PDGFC: variants seen among roughly 807,000 people sequenced by gnomAD.
PDGFC encodes platelet derived growth factor C, also known as platelet-derived growth factor C.
Under a neutral mutation model 35.5 loss-of-function variants are expected in PDGFC, and 12 were observed. The ratio of observed to expected loss-of-function variants is 0.34; its 90% CI spans 0.22 to 0.55. The LOEUF is 0.55. Ranked by LOEUF, PDGFC falls within the 20% of genes least tolerant of loss-of-function variation. The probability of loss-of-function intolerance (pLI) is 0.91; values close to 1 mark genes in which losing one functional copy is unlikely to be tolerated. For missense variants in PDGFC, 322 were observed against 412.4 expected, an observed-to-expected ratio of 0.78 and a Z score of 1.90; for synonymous variants, 159 against 148.8, an observed-to-expected ratio of 1.07 and a Z score of -0.50.
In PDGFC at chr4:156,971,177, G is replaced by T. The variant is rs1400447201; in HGVS notation, c.-274C>A. On this transcript the variant is annotated 5_prime_UTR_variant, in exon 1 of 6. Transcript: ENST00000502773. Reference sequence around the variant, plus strand: ...TAAACAAATCCTGAGCTGTGGCGAAGTGGTGGGGGTGGGGGTGAAGGCGAG... The same window carrying T: ...TAAACAAATCCTGAGCTGTGGCGAATTGGTGGGGGTGGGGGTGAAGGCGAG... The T allele has an allele frequency of 4.7e-6, 2 of 423,630 alleles. No individual in the cohort carries two copies. The highest frequency in any genetic ancestry group is 8.3e-6 in the Non-Finnish European group (2 of 240,174). The allele number at this position is 423,630 out of a possible 1,614,324, so 26.2% of individuals were successfully genotyped here. A position where few individuals can be genotyped will look rare whatever the true frequency, so the allele number is the denominator to read the frequency against.
intron 3 of PDGFC, among the ~76,000 whole-genome samples, chr4:156,787,412 T>C (rs531675233): frequency 6.6e-6 from 1 of 152,142 alleles, no homozygotes; most frequent in Non-Finnish European, 1.5e-5. Context: ...GAGTACCAAG[T>C]GCGATTCTGA....
intron 1 of PDGFC, among the ~76,000 whole-genome samples, chr4:156,936,072 T>C (rs1731673342): frequency 6.6e-6 from 1 of 152,336 alleles, no homozygotes; most frequent in South Asian, 2.1e-4. Flanking sequence ...AATATTAAAA[T>C]ATAAATAAGC....
At chr4:156,905,574 T>C (rs1730897018) in intron 1 of PDGFC, among the ~76,000 whole-genome samples, 1 of 152,114 alleles carries the variant, frequency 6.6e-6, no homozygotes, top group Non-Finnish European at 1.5e-5. Context: ...CTTCACATTC[T>C]GTCTAAAATA....
At chr4:156,873,567 C>T (rs1400971540) in intron 1 of PDGFC, among the ~76,000 whole-genome samples, 1 of 152,148 alleles carries the variant, frequency 6.6e-6, no homozygotes, top group Non-Finnish European at 1.5e-5. Flanking sequence ...TTTTTGAAAT[C>T]TATTCATTTA....
intron 1 of PDGFC, among the ~76,000 whole-genome samples, chr4:156,957,705 G>A (rs562552747): frequency 1.6e-4 from 24 of 151,964 alleles, no homozygotes; most frequent in African/African-American, 3.9e-4. Flanking sequence ...GGGATGGGCG[G>A]GTGGATAAAG....
intron 1 of PDGFC, among the ~76,000 whole-genome samples, chr4:156,855,813 C>T (rs147564974): frequency 6.6e-6 from 1 of 152,250 alleles, no homozygotes; most frequent in Admixed American, 6.5e-5. Flanking sequence ...ACAAAATTCA[C>T]TTTTAACAAC....
At chr4:156,803,590 G>A (rs984602357) in intron 3 of PDGFC, among the ~76,000 whole-genome samples, 3 of 152,146 alleles carry the variant, frequency 2.0e-5, no homozygotes, top group African/African-American at 7.2e-5. Context: ...ATTCAAAAGA[G>A]TTATTTCAAA....
chr4:156,805,291 T>C (rs750950275), intron 3 of PDGFC, among the ~76,000 whole-genome samples: 2 of 152,046 alleles, frequency 1.3e-5, no homozygotes, highest in African/African-American at 2.4e-5. Flanking sequence ...ATTCAACAAG[T>C]GCTTCAGACT....
chr4:156,900,618 A>C (rs1346017707), intron 1 of PDGFC, among the ~76,000 whole-genome samples: 3 of 152,140 alleles, frequency 2.0e-5, no homozygotes, highest in Non-Finnish European at 4.4e-5. Flanking sequence ...AGATGGGTGG[A>C]TTGCTTGAGC....
chr4:156,941,273 A>T (rs1045189834), intron 1 of PDGFC, among the ~76,000 whole-genome samples: 6 of 152,204 alleles, frequency 3.9e-5, no homozygotes, highest in Non-Finnish European at 7.3e-5. Context: ...TACAGTTTAA[A>T]AGTAATGCTA....
At chr4:156,775,239 G>C (rs1431047012) in intron 3 of PDGFC, among the ~76,000 whole-genome samples, 1 of 151,980 alleles carries the variant, frequency 6.6e-6, no homozygotes, top group Admixed American at 6.6e-5. Context: ...TAAATTTATG[G>C]TGTAAAAAGT....
At chr4:156,799,695 T>C (rs1023803104) in intron 3 of PDGFC, among the ~76,000 whole-genome samples, 1 of 152,222 alleles carries the variant, frequency 6.6e-6, no homozygotes, top group African/African-American at 2.4e-5. Context: ...AGATACATCA[T>C]GGAACTGGGT....
At chr4:156,963,222 C>T (rs1732382858) in intron 1 of PDGFC, among the ~76,000 whole-genome samples, 1 of 151,980 alleles carries the variant, frequency 6.6e-6, no homozygotes, top group Admixed American at 6.6e-5. Flanking sequence ...AATCCCAGCA[C>T]ATTGGGAGGC....
intron 2 of PDGFC, among the ~76,000 whole-genome samples, chr4:156,828,675 T>C (rs558157142): frequency 6.6e-6 from 1 of 152,288 alleles, no homozygotes; most frequent in African/African-American, 2.4e-5. Flanking sequence ...GGAAATATAA[T>C]TAGCATGTGT....
intron 2 of PDGFC, among the ~76,000 whole-genome samples, chr4:156,818,644 C>T (rs1340102813): frequency 2.6e-5 from 4 of 151,694 alleles, no homozygotes; most frequent in Non-Finnish European, 5.9e-5. Flanking sequence ...CCTCAGCCTC[C>T]CGAGTAGCTG....
chr4:156,796,749 C>G lies in PDGFC; in HGVS notation c.495+14088G>C, dbSNP rs187730965. On this transcript the variant is annotated intron_variant, in intron 3 of 5. Transcript: ENST00000502773. ...TGAAAAGAATAAATGAGATGACTTACAGCAGGAACCCAATATAATAGTAAG... is the reference window on the plus strand; with the variant it reads ...TGAAAAGAATAAATGAGATGACTTAGAGCAGGAACCCAATATAATAGTAAG... 2.6e-5 allele frequency among the ~76,000 whole-genome samples: 4 copies of G among 152,152 alleles called. No individual in the cohort carries two copies. The East Asian group carries it at 7.7e-4, about 29-fold the overall frequency.
At chr4:156,811,476 C>T (rs917082174) in intron 2 of PDGFC, among the ~76,000 whole-genome samples, 1 of 152,008 alleles carries the variant, frequency 6.6e-6, no homozygotes, top group African/African-American at 2.4e-5. Flanking sequence ...CCTAGAGTCA[C>T]TTCATTGTAT....
intron 2 of PDGFC, among the ~76,000 whole-genome samples, chr4:156,845,254 G>A (rs953822788): frequency 6.6e-6 from 1 of 151,376 alleles, no homozygotes; most frequent in Non-Finnish European, 1.5e-5. Flanking sequence ...TATCTATAAA[G>A]AAATTATTAA....
intron 3 of PDGFC, among the ~76,000 whole-genome samples, chr4:156,792,369 G>A (rs562766655): frequency 1.3e-5 from 2 of 152,212 alleles, no homozygotes; most frequent in African/African-American, 2.4e-5. Context: ...TGGGACACTT[G>A]AGCCAATTTG....
Sources: gnomAD v4.1 joint callset for allele counts (sites outside exome capture counted in the v4.1 genomes callset) on GRCh38, gnomAD v4.1.1 for gene constraint, MANE v1.5 for transcripts, NCBI Gene and HGNC (gene_info 2026-07-23, HGNC 2026-07-21) for gene names.